Variants in NWD1 observed in about 807,000 individuals in gnomAD.
NWD1 encodes the protein NACHT and WD repeat domain containing 1, also known as NACHT domain- and WD repeat-containing protein 1.
In NWD1, 129 loss-of-function variants were observed where a neutral mutation model predicts 135.1. The ratio of observed to expected loss-of-function variants is 0.96; its 90% CI spans 0.83 to 1.11. The LOEUF (loss-of-function observed/expected upper bound fraction) is 1.11. NWD1 is among the 50% of genes least tolerant of loss of function. NWD1 has a pLI of 0.00. For synonymous variants in NWD1, 773 were observed against 786.0 expected, an observed-to-expected ratio of 0.98 and a Z score of 0.28; for missense variants, 1,740 against 1,851.3, an observed-to-expected ratio of 0.94 and a Z score of 1.10.
intron 10 of NWD1, among the ~76,000 whole-genome samples, chr19:16,769,942 G>C (rs1239572059): frequency 6.6e-6 from 1 of 152,052 alleles, no homozygotes; most frequent in Admixed American, 6.6e-5. Flanking sequence ...GGCTCCAGTG[G>C]TCCTCTCACC....
intron 10 of NWD1, among the ~76,000 whole-genome samples, chr19:16,767,982 C>CTTTTTTTTTTTTTTTT (rs963453075): frequency 1.2e-5 from 1 of 83,566 alleles, no homozygotes; most frequent in African/African-American, 5.0e-5. Context: ...AATTTCCTTC[C>CTTTTTTTTTTTTTTTT]TTTTTTTTTT....
At chr19:16,808,787 A>C (rs894098676) in intron 18 of NWD1, among the ~76,000 whole-genome samples, 3 of 151,834 alleles carry the variant, frequency 2.0e-5, no homozygotes, top group African/African-American at 7.2e-5. Flanking sequence ...AGTTCAAAGG[A>C]GTACCAAAAA....
intron 17 of NWD1, 113 bp downstream of exon 17, chr19:16,800,275 TG>T: frequency 8.1e-6 from 9 of 1,116,968 alleles, no homozygotes; most frequent in Non-Finnish European, 1.1e-5. Context: ...GGCTCACGCC[TG>T]TAATCCCAGG....
intron 6 of NWD1, among the ~76,000 whole-genome samples, chr19:16,753,736 T>C (rs1277734341): frequency 2.0e-5 from 3 of 152,106 alleles, no homozygotes; most frequent in Non-Finnish European, 2.9e-5. Context: ...CAGATGTTGA[T>C]AGTGCAGAGA....
At chr19:16,791,857 G>A (rs1448147418) in intron 14 of NWD1, among the ~76,000 whole-genome samples, 6 of 152,282 alleles carry the variant, frequency 3.9e-5, no homozygotes, top group African/African-American at 1.4e-4. Flanking sequence ...TGGGATTACA[G>A]GCAAGTGCCA....
Position 16,739,005 on chromosome 19 carries a change from T to G in NWD1, c.198+2255T>G, listed in dbSNP as rs1018739334. 2.7e-5 allele frequency among the ~76,000 whole-genome samples: 3 copies of G among 110,732 alleles called. No homozygotes were observed. In the Admixed American group the frequency reaches 2.8e-4, roughly 10 times the overall value. 72.6% of individuals were successfully genotyped at this position (110,732 alleles called of 152,430 possible). On this transcript the variant is annotated intron_variant, in intron 4 of 18. Coordinates refer to ENST00000524140, the MANE Select transcript of NWD1 (RefSeq NM_001007525.5). ...GCCTTAGCCTCCTGGGTAGCTGGGA[T>G]TACAGTTATTCTTTTGATCTACACT... is the stretch of plus-strand genomic sequence containing the variant.
In NWD1 at chr19:16,749,637, A is replaced by G. The variant is rs144849244; in HGVS notation, c.995A>G (p.Lys332Arg). The G allele has an allele frequency of 6.3e-5, 101 of 1,609,452 alleles. No homozygotes were observed. The African/African-American group carries it at 1.1e-3, about 17-fold the overall frequency. The stretch of plus-strand genomic sequence containing the variant: ...CAGCAGCTCAGGCACGATGACAGCA[A>G]GCAGCACACCCCCCTGGTACTCTTT... The part of the protein sequence containing the change: ...LGQQLRHDDS[K>R]QHTPLVLFGP... Residue 332 changes from lysine to arginine, a missense_variant, in exon 6 of 19, where the codon AAG becomes AGG. Physicochemically the swap from Lys to Arg is conservative, Grantham distance 26. Coordinates refer to ENST00000524140, the MANE Select transcript of NWD1 (RefSeq NM_001007525.5).
intron 12 of NWD1, among the ~76,000 whole-genome samples, chr19:16,781,433 T>G (rs546481591): frequency 8.5e-5 from 13 of 152,102 alleles, no homozygotes; most frequent in Admixed American, 2.0e-4. Flanking sequence ...TTGGGCAACA[T>G]GGTGAACCCA....
rs757861496 is a variant in NWD1, at chr19:16,749,645, AC to A, written c.1009del (p.Leu337TrpfsTer14). On this transcript the variant is annotated frameshift_variant, in exon 6 of 19. Coordinates refer to ENST00000524140, the MANE Select transcript of NWD1 (RefSeq NM_001007525.5). LOFTEE classifies it high-confidence loss of function. The part of the protein sequence containing the change: ...QLRHDDSKQH[T>X]PLVLFGPPGI... ...CAGGCACGATGACAGCAAGCAGCAC[AC>A]CCCCCTGGTACTCTTTGGGCCCCCA... 1.0e-5 allele frequency: 16 copies of A among 1,606,348 alleles called. No individual in the cohort carries two copies. The South Asian group carries it at 1.5e-4, about 16-fold the overall frequency.
In NWD1 at chr19:16,815,225, G is replaced by T. The variant is rs535181124; in HGVS notation, c.*186G>T. The T allele has an allele frequency of 1.3e-6, 1 of 793,326 alleles. No individual in the cohort carries two copies. Among genetic ancestry groups the T allele is most frequent in the Non-Finnish European group, 2.3e-6 (1 of 429,360 alleles). 49.1% of individuals were successfully genotyped at this position (793,326 alleles called of 1,614,324 possible). On this transcript the variant is annotated 3_prime_UTR_variant, in exon 19 of 19. Coordinates refer to ENST00000524140, the MANE Select transcript of NWD1 (RefSeq NM_001007525.5). ...GATGGTCAAATCCAGGCAGAGAGAG[G>T]AGCTAGTTGCAGCTGCAGGAGCTCC... is the stretch of plus-strand genomic sequence containing the variant.
intron 6 of NWD1, among the ~76,000 whole-genome samples, chr19:16,751,091 G>C (rs1968558950): frequency 6.6e-6 from 1 of 151,920 alleles, no homozygotes; most frequent in Admixed American, 6.6e-5. Flanking sequence ...AGGCGTGGTG[G>C]TGCATGCCTG....
Position 16,806,907 on chromosome 19 carries a change from C to T in NWD1, c.3737-679C>T, listed in dbSNP as rs186305768. Among the ~76,000 whole-genome samples the T allele has an allele frequency of 5.9e-5, 9 of 151,980 alleles. No homozygotes were observed. In the East Asian group the frequency reaches 1.7e-3, roughly 30 times the overall value. On this transcript the variant is annotated intron_variant, in intron 17 of 18. Transcript: ENST00000524140. Reference sequence around the variant, plus strand: ...TGGTGCGCACCTCTAGTCCCAGCTACCCGGGAGACTGAGGTGGGAGAATTG... The same window carrying T: ...TGGTGCGCACCTCTAGTCCCAGCTATCCGGGAGACTGAGGTGGGAGAATTG...
chr19:16,798,567 C>T (rs941442648), intron 16 of NWD1, among the ~76,000 whole-genome samples: 4 of 152,230 alleles, frequency 2.6e-5, no homozygotes, highest in East Asian at 1.9e-4. Flanking sequence ...GCTGTGATTA[C>T]GCCACTGCAC....
At chr19:16,764,901 A>G (rs1224937705) in intron 9 of NWD1, 133 bp from the exon 10 acceptor site, 1 of 963,226 alleles carries the variant, frequency 1.0e-6, no homozygotes, top group South Asian at 1.6e-5. Flanking sequence ...ACCACAGAGA[A>G]TGATCCTGCC....
intron 11 of NWD1, 64 bp downstream of exon 11, chr19:16,773,387 C>A: frequency 6.9e-7 from 1 of 1,447,392 alleles, no homozygotes; most frequent in Non-Finnish European, 9.5e-7. Flanking sequence ...CAGTGAAGGC[C>A]AGGTGTTTGA....
Position 16,773,335 on chromosome 19 carries a change from C to T in NWD1, c.2608+12C>T. 1 of 1,607,186 alleles carries T rather than the reference C, an allele frequency of 6.2e-7. No individual in the cohort carries two copies. Among genetic ancestry groups the T allele is most frequent in the South Asian group, 1.1e-5 (1 of 90,858 alleles). On this transcript the variant is annotated intron_variant, in intron 11 of 18. Transcript: ENST00000524140. ...CGGCTGTCACAAAGGTGAGTCTCCCCAGCATAGCAAAAATCCCAGCAGGCA... is the reference window on the plus strand; with the variant it reads ...CGGCTGTCACAAAGGTGAGTCTCCCTAGCATAGCAAAAATCCCAGCAGGCA...
chr19:16,731,498 G>T (rs1195835311), intron 3 of NWD1, among the ~76,000 whole-genome samples: 1 of 150,510 alleles, frequency 6.6e-6, no homozygotes, highest in Admixed American at 6.7e-5. Context: ...GTAGAGACGG[G>T]GTTTCACCAT....
intron 10 of NWD1, among the ~76,000 whole-genome samples, chr19:16,766,778 A>G (rs1242992124): frequency 6.6e-6 from 1 of 151,910 alleles, no homozygotes; most frequent in East Asian, 1.9e-4. Flanking sequence ...TAGAGACGGG[A>G]TTTTGCCATG....
intron 5 of NWD1, 28 bp from the exon 6 acceptor site, chr19:16,749,111 T>G: frequency 1.9e-6 from 3 of 1,556,424 alleles, no homozygotes; most frequent in Non-Finnish European, 2.6e-6. Context: ...ATGACCACAC[T>G]TCCTTCCCAC....
Sources: allele counts gnomAD v4.1 joint callset (sites outside exome capture counted in the v4.1 genomes callset), GRCh38; gene constraint gnomAD v4.1.1; transcripts MANE v1.5; gene names NCBI Gene and HGNC (gene_info 2026-07-23, HGNC 2026-07-21).